Variants in SLC26A7 observed in about 807,000 individuals in gnomAD.
The protein encoded by SLC26A7 is anion exchange transporter.
A neutral mutation model predicts 82.5 loss-of-function variants in SLC26A7; 59 were observed. That is an observed-to-expected ratio of 0.72 (90% CI 0.58 to 0.89). The LOEUF (loss-of-function observed/expected upper bound fraction) is 0.89, where lower values mean the gene tolerates loss of function less well. Among genes scored for constraint, SLC26A7 ranks in the 40% least tolerant of loss-of-function variants. The pLI is 0.00. For missense variants in SLC26A7, 820 were observed against 793.0 expected (o/e 1.03, Z -0.41); for synonymous variants, 271 against 274.3 (o/e 0.99, Z 0.12).
rs921182427 is a variant in SLC26A7, at chr8:91,332,364, A to T, written c.643-1931A>T. Reference sequence around the variant, plus strand: ...ATAATATATATAAATTTATAATTATATATAAAATTATATAATAATTTAAAA... The same window carrying T: ...ATAATATATATAAATTTATAATTATTTATAAAATTATATAATAATTTAAAA... On this transcript the variant is annotated intron_variant, in intron 5 of 18. Coordinates refer to ENST00000276609, the MANE Select transcript of SLC26A7 (RefSeq NM_052832.4). 3.5e-4 allele frequency among the ~76,000 whole-genome samples: 46 copies of T among 130,568 alleles called. No homozygotes were observed. The East Asian group carries it at 7.9e-3, about 22-fold the overall frequency. 85.7% of individuals were successfully genotyped at this position (130,568 alleles called of 152,430 possible).
chr8:91,295,564 A>G lies in SLC26A7; in HGVS notation c.338A>G (p.Asn113Ser). 13 of 1,613,850 alleles carry G rather than the reference A, an allele frequency of 8.1e-6. No individual in the cohort carries two copies. Among genetic ancestry groups the G allele is most frequent in the Non-Finnish European group, 9.3e-6 (11 of 1,179,840 alleles). ...GCCTTGACATCCTTAATATCAGCCA[A>G]CGCCGTGGAACGGATTGTCCCTCAG... is the stretch of plus-strand genomic sequence containing the variant. ...TFALTSLISANAVERIVPQNM... is the reference protein window; with the variant it reads ...TFALTSLISASAVERIVPQNM... Residue 113 changes from asparagine (N) to serine (S), a missense_variant, in exon 4 of 19, where the codon AAC becomes AGC. Transcript: ENST00000276609.
chr8:91,332,382 A>C (rs1244412604), intron 5 of SLC26A7, among the ~76,000 whole-genome samples: 2 of 143,542 alleles, frequency 1.4e-5, no homozygotes, highest in African/African-American at 5.1e-5. Flanking sequence ...TTATATAATA[A>C]TTTAAAAATA....
chr8:91,245,797 A>T (rs990392356), upstream of SLC26A7, among the ~76,000 whole-genome samples: 1 of 152,168 alleles, frequency 6.6e-6, no homozygotes, highest in African/African-American at 2.4e-5. Context: ...AGCATTTCTC[A>T]AAAGTCTGTT....
At chr8:91,310,276 G>A (rs918799618) in intron 4 of SLC26A7, among the ~76,000 whole-genome samples, 1 of 152,126 alleles carries the variant, frequency 6.6e-6, no homozygotes, top group Admixed American at 6.5e-5. Flanking sequence ...TGGAGAAAAT[G>A]GAGAAAAGTC....
At chr8:91,271,638 A>G (rs963302758) in intron 2 of SLC26A7, among the ~76,000 whole-genome samples, 2 of 126,976 alleles carry the variant, frequency 1.6e-5, no homozygotes, top group Non-Finnish European at 3.1e-5. Context: ...TCTGTCGCCC[A>G]GGCTGGAATG....
intron 15 of SLC26A7, among the ~76,000 whole-genome samples, chr8:91,388,867 T>C (rs1460582191): frequency 6.6e-6 from 1 of 152,118 alleles, no homozygotes; most frequent in African/African-American, 2.4e-5. Context: ...GGAGTTTTTT[T>C]TTTTTAGAGT....
chr8:91,285,761 G>A (rs1025483909), intron 2 of SLC26A7, among the ~76,000 whole-genome samples: 1 of 152,108 alleles, frequency 6.6e-6, no homozygotes. Context: ...TATCTGAGAG[G>A]AACAAAACTA....
chr8:91,368,644 C>G (rs903662865), intron 14 of SLC26A7, among the ~76,000 whole-genome samples: 2 of 151,768 alleles, frequency 1.3e-5, no homozygotes, highest in Admixed American at 1.3e-4. Context: ...AGGATGGTCT[C>G]GATCTCCTGA....
intron 4 of SLC26A7, among the ~76,000 whole-genome samples, chr8:91,300,681 G>A (rs1249112932): frequency 1.3e-5 from 2 of 152,226 alleles, no homozygotes; most frequent in African/African-American, 2.4e-5. Flanking sequence ...ACAGGCGTGA[G>A]CCACCGCGCC....
intron 5 of SLC26A7, among the ~76,000 whole-genome samples, chr8:91,326,991 C>A (rs936010187): frequency 3.3e-5 from 5 of 152,144 alleles, no homozygotes; most frequent in African/African-American, 1.2e-4. Flanking sequence ...TTAGGGCCCA[C>A]CCAGGTAATT....
intron 2 of SLC26A7, among the ~76,000 whole-genome samples, chr8:91,259,338 C>G (rs889878186): frequency 1.9e-4 from 29 of 152,100 alleles, no homozygotes; most frequent in African/African-American, 6.5e-4. Context: ...TACATCATCA[C>G]TACTTAACAC....
intron 9 of SLC26A7, among the ~76,000 whole-genome samples, chr8:91,345,227 ATGAGCTATTGTGCCAGC>A (rs1294355914): frequency 1.3e-5 from 2 of 152,080 alleles, no homozygotes; most frequent in Non-Finnish European, 2.9e-5. Flanking sequence ...GATTACAGGT[ATGAGCTATTGTGCCAGC>A]TGGATTCTAT....
chr8:91,268,004 CATT>C (rs1007228031), intron 2 of SLC26A7, among the ~76,000 whole-genome samples: 1 of 151,698 alleles, frequency 6.6e-6, no homozygotes, highest in Non-Finnish European at 1.5e-5. Flanking sequence ...TTCATTGATG[CATT>C]ATTATTCAGG....
intron 5 of SLC26A7, among the ~76,000 whole-genome samples, chr8:91,322,624 C>T (rs1031883099): frequency 2.0e-5 from 3 of 152,000 alleles, no homozygotes; most frequent in African/African-American, 7.3e-5. Flanking sequence ...CGTATTAGCA[C>T]ATGTGGGTTT....
rs1810457089 is a variant in SLC26A7 at position 91,240,334 on chromosome 8, A to T, written c.-33-9285A>T. Among the ~76,000 whole-genome samples, 3 of 152,334 alleles carry T rather than the reference A, an allele frequency of 2.0e-5. No homozygotes were observed. In the South Asian group the frequency reaches 6.2e-4, roughly 32 times the overall value. On this transcript the variant is annotated intron_variant, in intron 2 of 5. Transcript: ENST00000522862. ...TATCATCCCAATCTGTGTGCAATGT[A>T]AACTTTGAAACATCTAGAGTAAATT...
intron 4 of SLC26A7, among the ~76,000 whole-genome samples, chr8:91,314,160 C>G (rs957017590): frequency 6.6e-5 from 10 of 152,106 alleles, no homozygotes; most frequent in African/African-American, 2.4e-4. Flanking sequence ...TGGGAGTTGG[C>G]TAGCTAGATT....
chr8:91,306,803 G>C (rs576480113), intron 4 of SLC26A7, among the ~76,000 whole-genome samples: 34 of 151,802 alleles, frequency 2.2e-4, no homozygotes, highest in Admixed American at 3.9e-4. Context: ...TGGAACTCCA[G>C]GGCTCAAGTT....
At chr8:91,270,936 T>C (rs1811250291) in intron 2 of SLC26A7, among the ~76,000 whole-genome samples, 1 of 152,196 alleles carries the variant, frequency 6.6e-6, no homozygotes, top group Non-Finnish European at 1.5e-5. Flanking sequence ...CCAGCACCAC[T>C]GTCTGCAAGT....
chr8:91,228,096 C>T (rs765507355), intron 2 of SLC26A7, among the ~76,000 whole-genome samples: 10 of 152,148 alleles, frequency 6.6e-5, no homozygotes, highest in Non-Finnish European at 1.3e-4. Context: ...TCTGGAGACT[C>T]ATAGAGCAGC....
Sources: allele counts gnomAD v4.1 joint callset (sites outside exome capture counted in the v4.1 genomes callset), GRCh38; gene constraint gnomAD v4.1.1; transcripts MANE v1.5; gene names NCBI Gene and HGNC (gene_info 2026-07-23, HGNC 2026-07-21).